The following ATG16L1 variants were observed in gnomAD, a reference collection of about 807,000 sequenced individuals.
ATG16L1 encodes the protein autophagy-related protein 16-1.
In ATG16L1, 37 loss-of-function variants were observed where a neutral mutation model predicts 88.5. The observed-to-expected ratio is 0.42, with a 90% CI of 0.32 to 0.55. The LOEUF is 0.55. ATG16L1 is among the 20% of genes least tolerant of loss of function. The pLI is 0.13. For missense variants in ATG16L1, 554 were observed against 752.8 expected (o/e 0.74, Z 3.09); for synonymous variants, 301 against 281.0 (o/e 1.07, Z -0.71).
rs907351934 is a variant in ATG16L1, at chr2:233,277,476, T to A, written c.955-92T>A. ...CTCCACCTGTCTTTAAGGATGAGTG[T>A]TTCCCCATGAATTAGGCATTTGGAG... On this transcript the variant is annotated intron_variant, in intron 9 of 17. Coordinates refer to ENST00000392017, the MANE Select transcript of ATG16L1 (RefSeq NM_030803.7). 4 of 1,174,088 alleles carry A rather than the reference T, an allele frequency of 3.4e-6. No individual in the cohort carries two copies. The Admixed American group carries it at 7.2e-5, about 21-fold the overall frequency. 72.7% of individuals were successfully genotyped at this position (1,174,088 alleles called of 1,614,324 possible).
At chr2:233,264,242 A>T (rs1697411710) in intron 4 of ATG16L1, 177 bp downstream of exon 4, 1 of 595,124 alleles carries the variant, frequency 1.7e-6, no homozygotes, top group African/African-American at 1.9e-5. Context: ...AGAAGGAAAA[A>T]GCAAGGACAG....
intron 11 of ATG16L1, 143 bp from the exon 12 acceptor site, chr2:233,282,539 C>T (rs370102843): frequency 1.3e-5 from 9 of 711,206 alleles, no homozygotes; most frequent in East Asian, 5.1e-5. Flanking sequence ...AGCACACTCA[C>T]GACAGTAGCT....
chr2:233,258,017 ATATCTATAT>A lies in ATG16L1; in HGVS notation c.209+1823_209+1831del, dbSNP rs141810801. ...ACTCCGTCTCAAAAAAAAAAAAAAA[ATATCTATAT>A]ATCTATATATCTATATATCTATATC... On this transcript the variant is annotated intron_variant, in intron 2 of 17. Coordinates refer to ENST00000392017, the MANE Select transcript of ATG16L1 (RefSeq NM_030803.7). 4.7e-3 allele frequency among the ~76,000 whole-genome samples: 599 copies of A among 128,118 alleles called. 21 individuals are homozygous for A. The highest frequency in any genetic ancestry group is 0.011 in the South Asian group (46 of 4,326). 84.1% of individuals were successfully genotyped at this position (128,118 alleles called of 152,430 possible). A position where few individuals can be genotyped will look rare whatever the true frequency, so the allele number is the denominator to read the frequency against.
intron 9 of ATG16L1, chr2:233,275,733 T>C (rs1384244242): frequency 1.9e-6 from 1 of 519,078 alleles, no homozygotes; most frequent in East Asian, 5.5e-5. Flanking sequence ...CAGAGGTCGA[T>C]GATGATTGGT....
intron 9 of ATG16L1, chr2:233,277,339 G>A: frequency 2.3e-6 from 1 of 434,604 alleles, no homozygotes; most frequent in Admixed American, 3.7e-5. Flanking sequence ...CAGATTTTGA[G>A]TACTTTTTGA....
At chr2:233,292,011 C>T in intron 14 of ATG16L1, 117 bp from the exon 15 acceptor site, 1 of 1,217,258 alleles carries the variant, frequency 8.2e-7, no homozygotes, top group South Asian at 1.5e-5. Context: ...AACACATTGA[C>T]TGCGCTGGCA....
At chr2:233,276,697 G>C (rs1259882905) in intron 9 of ATG16L1, among the ~76,000 whole-genome samples, 1 of 152,168 alleles carries the variant, frequency 6.6e-6, no homozygotes, top group African/African-American at 2.4e-5. Flanking sequence ...GGCTGGTCTT[G>C]AACTCCTGAG....
intron 8 of ATG16L1, chr2:233,274,114 C>A: frequency 7.1e-7 from 1 of 1,402,492 alleles, no homozygotes; most frequent in Non-Finnish European, 9.8e-7. Context: ...CACCGCTTCA[C>A]TGCCCTCAGT....
intron 7 of ATG16L1, 113 bp from the exon 8 acceptor site, chr2:233,273,607 TG>T: frequency 9.9e-7 from 1 of 1,007,538 alleles, no homozygotes; most frequent in Non-Finnish European, 1.5e-6. Flanking sequence ...GGCTGGGGTT[TG>T]GGAACTAAGT....
At chr2:233,276,358 C>T (rs1278571533) in intron 9 of ATG16L1, among the ~76,000 whole-genome samples, 1 of 152,154 alleles carries the variant, frequency 6.6e-6, no homozygotes, top group East Asian at 1.9e-4. Context: ...ATCTCTTCCC[C>T]CCCACACTTA....
At chr2:233,278,873 A>G (rs1157721965) in intron 10 of ATG16L1, among the ~76,000 whole-genome samples, 1 of 152,230 alleles carries the variant, frequency 6.6e-6, no homozygotes, top group Non-Finnish European at 1.5e-5. Flanking sequence ...CTTATGAATG[A>G]TAATGGCTGA....
At chr2:233,293,881 T>C (rs1467959874) in intron 17 of ATG16L1, among the ~76,000 whole-genome samples, 1 of 152,206 alleles carries the variant, frequency 6.6e-6, no homozygotes, top group Non-Finnish European at 1.5e-5. Context: ...CCTCTCTCCC[T>C]GTCCTTGGGC....
At chr2:233,286,551 C>T (rs560623333) in intron 12 of ATG16L1, among the ~76,000 whole-genome samples, 27 of 150,900 alleles carry the variant, frequency 1.8e-4, no homozygotes, top group African/African-American at 6.4e-4. Context: ...TTGGAAGCAC[C>T]GAGACAGTGA....
intron 5 of ATG16L1, among the ~76,000 whole-genome samples, chr2:233,267,552 A>G (rs974459496): frequency 2.0e-5 from 3 of 152,162 alleles, no homozygotes; most frequent in African/African-American, 7.2e-5. Context: ...CTCATTTTAT[A>G]CTTACCTGTA....
In ATG16L1 at chr2:233,274,713, A is replaced by C. The variant is rs746720219; in HGVS notation, c.889A>C (p.Asn297His). The C allele has an allele frequency of 6.2e-7, 1 of 1,612,268 alleles. No homozygotes were observed. The highest frequency in any genetic ancestry group is 1.7e-5 in the Admixed American group (1 of 59,982). ...SVSSFPVPQD[N>H]VDTHPGSGKE... ...CTCTTCCTTCCCAGTCCCCCAGGAC[A>C]ATGTGGATACTCATCCTGGTTCTGG... Residue 297 changes from asparagine to histidine, a missense_variant, in exon 9 of 18, where the codon AAT becomes CAT. This residue lies in a region of ATG16L1 where 370 missense variants were observed against 509.7 expected (regional missense o/e 0.73). Coordinates refer to ENST00000392017, the MANE Select transcript of ATG16L1 (RefSeq NM_030803.7).
rs550312426 is a variant in ATG16L1 at position 233,294,565 on chromosome 2, C to T, written c.*215C>T. 97 of 419,644 alleles carry T rather than the reference C, an allele frequency of 2.3e-4. 1 individual carries two copies. Among genetic ancestry groups the T allele is most frequent in the South Asian group, 7.3e-4 (19 of 25,888 alleles). The allele number at this position is 419,644 out of a possible 1,614,324, so 26.0% of individuals were successfully genotyped here. On this transcript the variant is annotated 3_prime_UTR_variant, in exon 18 of 18. Transcript: ENST00000392017. The stretch of plus-strand genomic sequence containing the variant: ...GAAGAATAACACTGAAAAAACCTGA[C>T]GCTGCGGTCACTTAGCAGAGGCTCA...
At chr2:233,274,648 T>C in intron 8 of ATG16L1, 28 bp from the exon 9 acceptor site, 1 of 1,555,166 alleles carries the variant, frequency 6.4e-7, no homozygotes, top group Non-Finnish European at 8.9e-7. Flanking sequence ...CAATCCTGTC[T>C]AATATTTGTC....
chr2:233,272,911 G>A lies in ATG16L1; in HGVS notation c.708-55G>A, dbSNP rs76249696. 48 of 1,494,362 alleles carry A rather than the reference G, an allele frequency of 3.2e-5. No homozygotes were observed. The African/African-American group carries it at 3.6e-4, about 11-fold the overall frequency. The allele number at this position is 1,494,362 out of a possible 1,614,324, so 92.6% of individuals were successfully genotyped here. ...AAATGACATTAGCATTTGCGGAACC[G>A]ATTAATCACAGAACTGTTCAGGAGA... On this transcript the variant is annotated intron_variant, in intron 6 of 17. Coordinates refer to ENST00000392017, the MANE Select transcript of ATG16L1 (RefSeq NM_030803.7).
At chr2:233,282,416 T>C (rs1303262652) in intron 11 of ATG16L1, among the ~76,000 whole-genome samples, 1 of 151,774 alleles carries the variant, frequency 6.6e-6, no homozygotes, top group Non-Finnish European at 1.5e-5. Context: ...AAGGGAAAAG[T>C]GAGTAGGGAA....
Sources: allele counts gnomAD v4.1 joint callset (sites outside exome capture counted in the v4.1 genomes callset), GRCh38; gene constraint gnomAD v4.1.1; regional missense constraint gnomAD v4.1.1; transcripts MANE v1.5; gene names NCBI Gene and HGNC (gene_info 2026-07-23, HGNC 2026-07-21).